The following LUZP2 variants were observed in gnomAD, a reference collection of about 807,000 sequenced individuals.
LUZP2 encodes leucine zipper protein 2.
LUZP2 carries 52 observed loss-of-function variants against 51.6 expected under a neutral mutation model. The observed-to-expected ratio is 1.01, with a 90% CI of 0.81 to 1.27. The LOEUF (loss-of-function observed/expected upper bound fraction) is 1.27. Among genes scored for constraint, LUZP2 ranks in the 50% most tolerant of loss-of-function variants. The pLI, the probability that LUZP2 is intolerant of heterozygous loss-of-function variation, is 0.00. For synonymous variants in LUZP2, 154 were observed against 137.3 expected, an observed-to-expected ratio of 1.12 and a Z score of -0.85; for missense variants, 436 against 395.4, an observed-to-expected ratio of 1.10 and a Z score of -0.87.
At chr11:24,956,407 C>T (rs11028299) in intron 7 of LUZP2, among the ~76,000 whole-genome samples, 7 of 152,124 alleles carry the variant, frequency 4.6e-5, no homozygotes, top group Non-Finnish European at 7.4e-5. Flanking sequence ...TAAGGCAATA[C>T]GTTTTCGATG....
chr11:24,776,448 C>A (rs148282402), intron 5 of LUZP2, among the ~76,000 whole-genome samples: 1,652 of 152,168 alleles, frequency 0.011, 14 homozygotes, highest in Non-Finnish European at 0.018. Flanking sequence ...CACAGATTTC[C>A]CACAGGAAAG....
intron 1 of LUZP2, among the ~76,000 whole-genome samples, chr11:24,620,884 T>C (rs2403972): frequency 0.35 from 53,293 of 152,082 alleles, 9,449 homozygotes; most frequent in Middle Eastern, 0.43. Flanking sequence ...TGAGAACATA[T>C]AAGATTATCA....
intron 5 of LUZP2, among the ~76,000 whole-genome samples, chr11:24,811,464 T>C (rs1463820067): frequency 6.6e-6 from 1 of 152,162 alleles, no homozygotes; most frequent in Non-Finnish European, 1.5e-5. Context: ...TTATCCTCCT[T>C]CTTGTTCAGC....
At chr11:25,047,978 TAA>T (rs34453795) in intron 9 of LUZP2, among the ~76,000 whole-genome samples, 72,287 of 151,492 alleles carry the variant, frequency 0.48, 17,572 homozygotes, top group Non-Finnish European at 0.51. Flanking sequence ...ACTACCACAT[TAA>T]AAAAAAAATT....
chr11:24,761,399 C>G (rs937902209), intron 4 of LUZP2, among the ~76,000 whole-genome samples: 3 of 152,162 alleles, frequency 2.0e-5, no homozygotes, highest in Non-Finnish European at 2.9e-5. Context: ...GATCCAATCA[C>G]CTGCCACCAG....
At chr11:24,969,035 A>C (rs761529838) in intron 7 of LUZP2, among the ~76,000 whole-genome samples, 2 of 152,168 alleles carry the variant, frequency 1.3e-5, no homozygotes, top group Non-Finnish European at 2.9e-5. Flanking sequence ...TTGAGAGTAC[A>C]TGTGAAGGTA....
At chr11:24,701,719 T>C (rs1857427208) in intron 1 of LUZP2, 1 of 152,266 alleles carries the variant, frequency 6.6e-6, no homozygotes, top group Non-Finnish European at 1.5e-5. Context: ...TCCCATTCTT[T>C]AAGTGATTTT....
intron 9 of LUZP2, among the ~76,000 whole-genome samples, chr11:25,005,536 C>T (rs537242612): frequency 9.2e-5 from 14 of 152,082 alleles, no homozygotes; most frequent in Non-Finnish European, 1.9e-4. Flanking sequence ...TCAAATTGGT[C>T]CCAATGACTT....
At chr11:24,800,617 A>G (rs982895500) in intron 5 of LUZP2, among the ~76,000 whole-genome samples, 2 of 152,038 alleles carry the variant, frequency 1.3e-5, no homozygotes, top group African/African-American at 2.4e-5. Context: ...TTTCCAGGTC[A>G]TATCCTCACT....
At chr11:25,032,631 T>G (rs569351988) in intron 9 of LUZP2, among the ~76,000 whole-genome samples, 2 of 152,192 alleles carry the variant, frequency 1.3e-5, no homozygotes, top group Admixed American at 1.3e-4. Flanking sequence ...AGGAAGTGCT[T>G]GTGAAGGGAA....
intron 1 of LUZP2, among the ~76,000 whole-genome samples, chr11:24,667,763 A>G (rs1293384150): frequency 6.6e-6 from 1 of 152,046 alleles, no homozygotes; most frequent in Non-Finnish European, 1.5e-5. Flanking sequence ...AATTTTATGG[A>G]CTCTTGGAAT....
chr11:24,568,979 C>T (rs545491341), intron 1 of LUZP2, among the ~76,000 whole-genome samples: 4 of 151,938 alleles, frequency 2.6e-5, no homozygotes, highest in Admixed American at 1.3e-4. Flanking sequence ...TAAAATCAGA[C>T]ATAACATGCA....
At chr11:24,957,439 C>T (rs1855242212) in intron 7 of LUZP2, among the ~76,000 whole-genome samples, 1 of 151,920 alleles carries the variant, frequency 6.6e-6, no homozygotes, top group Non-Finnish European at 1.5e-5. Context: ...TATTGTGCAA[C>T]AGACCTCCAA....
intron 7 of LUZP2, among the ~76,000 whole-genome samples, chr11:24,956,460 G>C (rs977710845): frequency 2.0e-5 from 3 of 152,116 alleles, no homozygotes; most frequent in African/African-American, 7.2e-5. Context: ...GCAGCCATAG[G>C]AAACTAATAT....
chr11:24,805,405 G>C (rs1450530020), intron 5 of LUZP2, among the ~76,000 whole-genome samples: 1 of 152,032 alleles, frequency 6.6e-6, no homozygotes, highest in Non-Finnish European at 1.5e-5. Flanking sequence ...CCATATCACA[G>C]GGTTTCACCA....
At chr11:24,597,197 T>C (rs1020531998) in intron 1 of LUZP2, among the ~76,000 whole-genome samples, 2 of 152,226 alleles carry the variant, frequency 1.3e-5, no homozygotes, top group African/African-American at 2.4e-5. Flanking sequence ...AGCATGTGTA[T>C]AGATATATAC....
At chr11:24,718,147 A>G (rs1046642839) in intron 1 of LUZP2, among the ~76,000 whole-genome samples, 2 of 152,220 alleles carry the variant, frequency 1.3e-5, no homozygotes, top group Non-Finnish European at 2.9e-5. Context: ...TGGGGAAAAG[A>G]GTGAGCGGGT....
At chr11:24,568,836 G>A (rs1334618230) in intron 1 of LUZP2, among the ~76,000 whole-genome samples, 1 of 151,938 alleles carries the variant, frequency 6.6e-6, no homozygotes, top group Non-Finnish European at 1.5e-5. Context: ...TTATTTGATG[G>A]AGATGGTAAA....
chr11:24,983,296 A>G lies in LUZP2; in HGVS notation c.765+3A>G. The G allele has an allele frequency of 6.2e-7, 1 of 1,610,906 alleles. No individual in the cohort carries two copies. The highest frequency in any genetic ancestry group is 1.1e-5 in the South Asian group (1 of 90,924). On this transcript the variant is annotated splice_donor_region_variant and intron_variant, in intron 9 of 11. Coordinates refer to ENST00000336930, the MANE Select transcript of LUZP2 (RefSeq NM_001009909.4). ...CAGATGCAGCGGCCAAAAGCAAGGT[A>G]CCTACCTTTTATTTGCGCTTTGTAA...
Sources: allele counts gnomAD v4.1 joint callset (sites outside exome capture counted in the v4.1 genomes callset), GRCh38; gene constraint gnomAD v4.1.1; transcripts MANE v1.5; gene names NCBI Gene and HGNC (gene_info 2026-07-23, HGNC 2026-07-21).